STPG2: variants seen among roughly 807,000 people sequenced by gnomAD.
STPG2 encodes the protein sperm tail PG-rich repeat containing 2.
Under a neutral mutation model 54.2 loss-of-function variants are expected in STPG2, and 56 were observed. The ratio of observed to expected loss-of-function variants is 1.03; its 90% CI spans 0.83 to 1.29. The LOEUF (loss-of-function observed/expected upper bound fraction) is 1.29. Among genes scored for constraint, STPG2 ranks in the 50% most tolerant of loss-of-function variants. The pLI, the probability that STPG2 is intolerant of heterozygous loss-of-function variation, is 0.00. For missense variants in STPG2, 596 were observed against 544.9 expected (o/e 1.09, Z -0.93); for synonymous variants, 200 against 181.8 (o/e 1.10, Z -0.81).
chr4:97,842,575 CATCT>C (rs1728834543), intron 8 of STPG2, among the ~76,000 whole-genome samples: 2 of 151,940 alleles, frequency 1.3e-5, no homozygotes, highest in Admixed American at 1.3e-4. Context: ...GTGGTGTCAC[CATCT>C]ATTTCTTCTT....
chr4:98,068,580 T>A (rs1304024796), intron 5 of STPG2, among the ~76,000 whole-genome samples: 1 of 152,188 alleles, frequency 6.6e-6, no homozygotes, highest in Admixed American at 6.6e-5. Context: ...AAGAAAATTA[T>A]CCATTTCTTC....
intron 10 of STPG2, among the ~76,000 whole-genome samples, chr4:97,591,654 A>G (rs1274020959): frequency 1.3e-5 from 2 of 152,140 alleles, no homozygotes; most frequent in Admixed American, 1.3e-4. Context: ...CTTTCAAGCA[A>G]TGTTGTACCC....
At chr4:97,482,834 A>C (rs191174364) in intron 4 of STPG2, among the ~76,000 whole-genome samples, 7 of 151,834 alleles carry the variant, frequency 4.6e-5, no homozygotes, top group Admixed American at 4.6e-4. Context: ...TATGAAAGAA[A>C]ACCTATCAGA....
At chr4:97,504,431 G>A (rs2865798) in intron 4 of STPG2, among the ~76,000 whole-genome samples, 66,854 of 151,210 alleles carry the variant, frequency 0.44, 17,071 homozygotes, top group Non-Finnish European at 0.57. Context: ...ACTTGTGGTA[G>A]GGAGAGAATG....
chr4:97,939,113 T>C (rs1732874999), intron 8 of STPG2, among the ~76,000 whole-genome samples: 1 of 152,192 alleles, frequency 6.6e-6, no homozygotes, highest in Admixed American at 6.5e-5. Context: ...TATAATTGCA[T>C]GATTTTGAGT....
intron 9 of STPG2, among the ~76,000 whole-genome samples, chr4:97,728,127 T>C (rs937062865): frequency 4.6e-5 from 7 of 152,020 alleles, no homozygotes; most frequent in Non-Finnish European, 8.8e-5. Flanking sequence ...CAAAGAATTC[T>C]GTTAATAGGG....
intron 4 of STPG2, among the ~76,000 whole-genome samples, chr4:97,477,539 C>T (rs1236644880): frequency 2.7e-5 from 4 of 149,054 alleles, no homozygotes; most frequent in African/African-American, 2.5e-5. Flanking sequence ...TGCAGTGGCA[C>T]GATCTCGGCT....
At chr4:97,653,267 A>C (rs1722126554) in intron 10 of STPG2, among the ~76,000 whole-genome samples, 1 of 151,940 alleles carries the variant, frequency 6.6e-6, no homozygotes, top group African/African-American at 2.4e-5. Flanking sequence ...AAGAAAGATA[A>C]ATTAGTTTTC....
At chr4:97,503,988 A>AT (rs1249114337) in intron 4 of STPG2, among the ~76,000 whole-genome samples, 1 of 141,868 alleles carries the variant, frequency 7.0e-6, no homozygotes, top group African/African-American at 2.5e-5. Context: ...ATATTTAAAT[A>AT]TTTTAAAAAT....
intron 9 of STPG2, among the ~76,000 whole-genome samples, chr4:97,744,602 G>A (rs1282179959): frequency 6.6e-6 from 1 of 151,280 alleles, no homozygotes; most frequent in Admixed American, 6.6e-5. Context: ...GCCTGAAACT[G>A]TGGATGCTAC....
chr4:97,556,365 TC>T (rs1004643638), downstream of STPG2, among the ~76,000 whole-genome samples: 7 of 152,266 alleles, frequency 4.6e-5, no homozygotes, highest in Admixed American at 3.3e-4. Context: ...TCCAATTCCA[TC>T]CTTCAGAAAT....
intron 9 of STPG2, among the ~76,000 whole-genome samples, chr4:97,794,056 AT>A (rs1342615422): frequency 6.6e-6 from 1 of 152,124 alleles, no homozygotes; most frequent in Non-Finnish European, 1.5e-5. Flanking sequence ...GCAATATAAA[AT>A]TTGAGCTCTT....
intron 4 of STPG2, among the ~76,000 whole-genome samples, chr4:97,477,088 T>G (rs2148818315): frequency 6.6e-6 from 1 of 152,328 alleles, no homozygotes; most frequent in Non-Finnish European, 1.5e-5. Context: ...ACAGTTACTC[T>G]ATTAGAGTCC....
intron 9 of STPG2, among the ~76,000 whole-genome samples, chr4:97,758,638 G>C (rs1256532165): frequency 6.6e-6 from 1 of 152,048 alleles, no homozygotes; most frequent in East Asian, 1.9e-4. Context: ...TGCGGGGAGA[G>C]GGGACGGAGA....
intron 8 of STPG2, among the ~76,000 whole-genome samples, chr4:97,875,313 T>C (rs944446655): frequency 6.6e-6 from 1 of 151,854 alleles, no homozygotes; most frequent in Non-Finnish European, 1.5e-5. Context: ...TGTCTCTTTA[T>C]ATACTTACGT....
At chr4:97,932,442 C>T (rs957239261) in intron 8 of STPG2, among the ~76,000 whole-genome samples, 3 of 152,018 alleles carry the variant, frequency 2.0e-5, no homozygotes, top group African/African-American at 4.8e-5. Context: ...GCCATGTTGG[C>T]TTGCTGCACC....
intron 5 of STPG2, among the ~76,000 whole-genome samples, chr4:98,022,717 C>A (rs930381314): frequency 1.3e-5 from 2 of 152,284 alleles, no homozygotes; most frequent in East Asian, 1.9e-4. Flanking sequence ...TTGTCCGTTT[C>A]TTTTTATTCT....
chr4:97,637,520 G>T (rs1358374392), intron 10 of STPG2, among the ~76,000 whole-genome samples: 2 of 152,114 alleles, frequency 1.3e-5, no homozygotes, highest in Non-Finnish European at 2.9e-5. Flanking sequence ...AGGAAATAAA[G>T]GGTATTCAAT....
In STPG2 at chr4:98,143,415, A is replaced by G. The variant is rs1740360956; in HGVS notation, c.-265T>C. Among the ~76,000 whole-genome samples the G allele has an allele frequency of 6.6e-6, 1 of 152,338 alleles. No homozygotes were observed. Among genetic ancestry groups the G allele is most frequent in the Admixed American group, 6.5e-5 (1 of 15,300 alleles). On this transcript the variant is annotated 5_prime_UTR_variant, in exon 1 of 11. Coordinates refer to ENST00000295268, the MANE Select transcript of STPG2 (RefSeq NM_174952.3). ...CGTCCCACACAATCATCAGTTTGCC[A>G]GGTGCACGCCACCAAAATTGGGTAT...
Sources: gnomAD v4.1 joint callset for allele counts (sites outside exome capture counted in the v4.1 genomes callset) on GRCh38, gnomAD v4.1.1 for gene constraint, MANE v1.5 for transcripts, NCBI Gene and HGNC (gene_info 2026-07-23, HGNC 2026-07-21) for gene names.